The following CDH18 variants were observed in gnomAD, a reference collection of about 807,000 sequenced individuals.
CDH18 encodes cadherin-18.
In CDH18, 31 loss-of-function variants were observed where a neutral mutation model predicts 67.9. That is an observed-to-expected ratio of 0.46 (90% confidence interval 0.34 to 0.62). CDH18 has a LOEUF of 0.62. Among genes scored for constraint, CDH18 ranks in the 20% least tolerant of loss-of-function variants. CDH18 has a pLI of 0.01. For missense variants in CDH18, 890 were observed against 975.5 expected (o/e 0.91, Z 1.17); for synonymous variants, 362 against 347.2 (o/e 1.04, Z -0.48).
At chr5:20,056,473 C>CTTT (rs1561754004) in intron 2 of CDH18, among the ~76,000 whole-genome samples, 55 of 13,488 alleles carry the variant, frequency 4.1e-3, no homozygotes, top group Non-Finnish European at 6.1e-3. Context: ...TATTTTCTTT[C>CTTT]TTTTGTTTTT....
At chr5:19,516,198 C>T (rs1194515976) in intron 10 of CDH18, among the ~76,000 whole-genome samples, 1 of 152,156 alleles carries the variant, frequency 6.6e-6, no homozygotes, top group Non-Finnish European at 1.5e-5. Context: ...AGGGATGAAG[C>T]TAACTTGATC....
At chr5:19,708,522 A>G (rs1764252004) in intron 5 of CDH18, among the ~76,000 whole-genome samples, 1 of 152,130 alleles carries the variant, frequency 6.6e-6, no homozygotes, top group Non-Finnish European at 1.5e-5. Context: ...GGCCATAAAC[A>G]AAATCTCTGC....
intron 2 of CDH18, among the ~76,000 whole-genome samples, chr5:19,864,990 C>T (rs1484509290): frequency 2.0e-5 from 3 of 152,120 alleles, no homozygotes; most frequent in South Asian, 2.1e-4. Context: ...AGAATTTCCT[C>T]CACAATCACC....
intron 5 of CDH18, among the ~76,000 whole-genome samples, chr5:19,705,408 C>A (rs900730600): frequency 8.5e-5 from 13 of 152,124 alleles, no homozygotes; most frequent in African/African-American, 3.1e-4. Flanking sequence ...ATACGACCTG[C>A]CCTAGGCATT....
At chr5:19,853,966 G>GTCTA (rs1223890620) in intron 2 of CDH18, among the ~76,000 whole-genome samples, 2 of 152,078 alleles carry the variant, frequency 1.3e-5, no homozygotes, top group African/African-American at 4.8e-5. Flanking sequence ...AACGGAAAAT[G>GTCTA]TCTACGTGGC....
chr5:19,718,381 T>G (rs1450711825), intron 5 of CDH18, among the ~76,000 whole-genome samples: 1 of 152,040 alleles, frequency 6.6e-6, no homozygotes, highest in East Asian at 1.9e-4. Context: ...TATAAGTGAC[T>G]ACTATTTCCA....
chr5:19,644,929 G>T (rs1221249865), intron 5 of CDH18, among the ~76,000 whole-genome samples: 1 of 152,188 alleles, frequency 6.6e-6, no homozygotes, highest in East Asian at 1.9e-4. Context: ...TCCCTGAAAA[G>T]AGAATGCCCA....
chr5:19,718,140 G>C (rs927695668), intron 5 of CDH18, among the ~76,000 whole-genome samples: 1 of 151,904 alleles, frequency 6.6e-6, no homozygotes, highest in African/African-American at 2.4e-5. Context: ...TTACAAAATA[G>C]GAAGCCAAGG....
intron 2 of CDH18, among the ~76,000 whole-genome samples, chr5:19,948,282 G>A (rs1795458654): frequency 6.6e-6 from 1 of 152,094 alleles, no homozygotes; most frequent in Admixed American, 6.6e-5. Flanking sequence ...CCTGAGAGAT[G>A]AAAATTTTTG....
intron 2 of CDH18, among the ~76,000 whole-genome samples, chr5:20,189,535 C>G (rs1738372858): frequency 6.6e-6 from 1 of 152,220 alleles, no homozygotes; most frequent in East Asian, 1.9e-4. Flanking sequence ...AACACACACA[C>G]TTATTTAATC....
chr5:19,604,792 ATTCTGT>A (rs1203050090), intron 6 of CDH18, among the ~76,000 whole-genome samples: 1 of 152,008 alleles, frequency 6.6e-6, no homozygotes, highest in Non-Finnish European at 1.5e-5. Context: ...AACCCAATAC[ATTCTGT>A]TTCTATGTGT....
chr5:20,425,839 T>C (rs138362436), intron 1 of CDH18, among the ~76,000 whole-genome samples: 12 of 151,266 alleles, frequency 7.9e-5, no homozygotes, highest in Non-Finnish European at 1.8e-4. Context: ...AAGAATTAAT[T>C]GGTTTATTTC....
chr5:20,289,891 T>G (rs1561942859), intron 1 of CDH18, among the ~76,000 whole-genome samples: 1 of 152,094 alleles, frequency 6.6e-6, no homozygotes, highest in Non-Finnish European at 1.5e-5. Flanking sequence ...CAGAAATATG[T>G]AGATAGCTGT....
chr5:19,721,591 A>G, intron 4 of CDH18, 125 bp from the exon 5 acceptor site: 2 of 681,004 alleles, frequency 2.9e-6, no homozygotes, highest in Non-Finnish European at 4.5e-6. Context: ...TAGTAAATTT[A>G]ATTAAATTTA....
chr5:19,517,357 A>G (rs1377015303), intron 10 of CDH18, among the ~76,000 whole-genome samples: 1 of 151,420 alleles, frequency 6.6e-6, no homozygotes, highest in African/African-American at 2.4e-5. Flanking sequence ...TTTTGAAACT[A>G]TAGTACTATA....
intron 5 of CDH18, among the ~76,000 whole-genome samples, chr5:19,684,947 C>CT (rs553760380): frequency 6.6e-6 from 1 of 152,038 alleles, no homozygotes. Context: ...GAGTCACATA[C>CT]TTTTTTATTC....
At chr5:20,144,117 A>C (rs1229864856) in intron 2 of CDH18, among the ~76,000 whole-genome samples, 1 of 152,156 alleles carries the variant, frequency 6.6e-6, no homozygotes, top group African/African-American at 2.4e-5. Flanking sequence ...GAATCAGTGA[A>C]GGAAAAATGA....
chr5:19,991,457 G>A (rs1799974571), upstream of CDH18, among the ~76,000 whole-genome samples: 2 of 151,874 alleles, frequency 1.3e-5, no homozygotes, highest in East Asian at 1.9e-4. Context: ...TACTATTTTT[G>A]TTTACAAGAA....
At chr5:19,786,946 T>G (rs1281321744) in intron 3 of CDH18, among the ~76,000 whole-genome samples, 3 of 152,078 alleles carry the variant, frequency 2.0e-5, no homozygotes, top group African/African-American at 7.2e-5. Flanking sequence ...GTCCAGACCC[T>G]TCGCTGAAAA....
Sources: allele counts gnomAD v4.1 joint callset (sites outside exome capture counted in the v4.1 genomes callset), GRCh38; gene constraint gnomAD v4.1.1; transcripts MANE v1.5; gene names NCBI Gene and HGNC (gene_info 2026-07-23, HGNC 2026-07-21).